Variants in CRTAC1 observed in about 807,000 individuals in gnomAD.
CRTAC1 encodes acidic secreted protein in cartilage.
CRTAC1 carries 37 observed loss-of-function variants against 67.8 expected under a neutral mutation model. The ratio of observed to expected loss-of-function variants is 0.55; its 90% CI spans 0.42 to 0.72. The LOEUF is 0.72. CRTAC1 is among the 30% of genes least tolerant of loss of function. CRTAC1 has a pLI of 0.00. For synonymous variants in CRTAC1, 348 were observed against 371.0 expected (o/e 0.94, Z 0.71); for missense variants, 780 against 931.6 (o/e 0.84, Z 2.12).
intron 2 of CRTAC1, among the ~76,000 whole-genome samples, chr10:97,994,406 T>C (rs144665066): frequency 6.6e-6 from 1 of 152,238 alleles, no homozygotes; most frequent in Non-Finnish European, 1.5e-5. Flanking sequence ...TGGGCTTCTC[T>C]TGTCTGATTT....
At chr10:97,959,348 C>T (rs967914665) in intron 2 of CRTAC1, among the ~76,000 whole-genome samples, 2 of 152,220 alleles carry the variant, frequency 1.3e-5, no homozygotes, top group East Asian at 3.9e-4. Flanking sequence ...ACACACCTGA[C>T]AGCAACAACT....
At chr10:98,026,099 C>T (rs1843227736) in intron 1 of CRTAC1, among the ~76,000 whole-genome samples, 2 of 152,206 alleles carry the variant, frequency 1.3e-5, no homozygotes, top group African/African-American at 2.4e-5. Flanking sequence ...TATCCCCTTC[C>T]AACTGAATAC....
Position 98,029,313 on chromosome 10 carries a change from G to T in CRTAC1, c.24+1136C>A, listed in dbSNP as rs1469583022. Among the ~76,000 whole-genome samples, 1 of 152,074 alleles carries T rather than the reference G, an allele frequency of 6.6e-6. No individual in the cohort carries two copies. Among genetic ancestry groups the T allele is most frequent in the Admixed American group, 6.5e-5 (1 of 15,268 alleles). On this transcript the variant is annotated intron_variant, in intron 1 of 14. Transcript: ENST00000370597. The surrounding 1 kb of genome is among the most constrained non-coding windows in gnomAD (Gnocchi z 4.7). ...TCCCCTGACTCAAGAAAACACTATA[G>T]AACTGTCCCCTGTCCTGGGACCCTC...
intron 3 of CRTAC1, among the ~76,000 whole-genome samples, chr10:97,932,133 T>A (rs1453495566): frequency 1.3e-5 from 2 of 152,174 alleles, no homozygotes; most frequent in African/African-American, 4.8e-5. Context: ...GCCCCCCATC[T>A]GCACAGTGTT....
intron 2 of CRTAC1, among the ~76,000 whole-genome samples, chr10:97,973,300 A>T (rs1161898339): frequency 2.0e-5 from 3 of 151,764 alleles, no homozygotes; most frequent in African/African-American, 7.3e-5. Flanking sequence ...TCTCCGTCCC[A>T]CCCTAATTCA....
intron 14 of CRTAC1, chr10:97,866,069 G>A (rs1010206813): frequency 1.1e-4 from 29 of 255,818 alleles, no homozygotes; most frequent in African/African-American, 6.1e-4. Flanking sequence ...CTGCCACATA[G>A]AGGACTCCCA....
chr10:97,980,904 C>T (rs1256624435), intron 2 of CRTAC1, among the ~76,000 whole-genome samples: 23 of 152,286 alleles, frequency 1.5e-4, no homozygotes, highest in Admixed American at 1.3e-3. Context: ...CTCTGGAAAG[C>T]GCATTTCAGA....
intron 1 of CRTAC1, among the ~76,000 whole-genome samples, chr10:98,023,616 G>C (rs1198857161): frequency 6.6e-6 from 1 of 152,224 alleles, no homozygotes; most frequent in East Asian, 1.9e-4. Context: ...TTCTAAGAAA[G>C]AGCCTGTTCT....
chr10:97,865,941 G>A, intron 14 of CRTAC1: 1 of 582,498 alleles, frequency 1.7e-6, no homozygotes, highest in Non-Finnish European at 2.8e-6. Flanking sequence ...TCCCGATGGG[G>A]CTGGTCTGGG....
chr10:97,895,438 AC>A lies in CRTAC1; in HGVS notation c.1318-26del. ...CCTGCAGAGAGGGTGAGAGGCAGAC[AC>A]CCGGTGGGCATCAGCATGGTGGGTG... is the stretch of plus-strand genomic sequence containing the variant. On this transcript the variant is annotated intron_variant, in intron 10 of 14. Transcript: ENST00000370597. This position sits in a 1 kb window ranked among gnomAD's most constrained non-coding sequence, Gnocchi z 4.2. 6.4e-7 allele frequency: 1 copy of A among 1,560,620 alleles called. No homozygotes were observed. Among genetic ancestry groups the A allele is most frequent in the Non-Finnish European group, 8.7e-7 (1 of 1,154,492 alleles).
chr10:97,959,333 G>T (rs1311493318), intron 2 of CRTAC1, among the ~76,000 whole-genome samples: 3 of 152,188 alleles, frequency 2.0e-5, no homozygotes, highest in African/African-American at 7.2e-5. Flanking sequence ...TCTGCTGCAG[G>T]GTAAACACAC....
chr10:98,021,010 C>CTCAT (rs3075454), intron 1 of CRTAC1, among the ~76,000 whole-genome samples: 2,809 of 151,786 alleles, frequency 0.019, 53 homozygotes, highest in East Asian at 0.091. Flanking sequence ...CCACTATTCA[C>CTCAT]TCATTCATTC....
chr10:97,871,300 G>C (rs1213435218), intron 14 of CRTAC1: 1 of 152,218 alleles, frequency 6.6e-6, no homozygotes, highest in Non-Finnish European at 1.5e-5. Flanking sequence ...ACTGTGAAGA[G>C]AGTCAGAGGG....
chr10:97,882,711 G>C, intron 13 of CRTAC1, 75 bp downstream of exon 13: 1 of 1,524,566 alleles, frequency 6.6e-7, no homozygotes. Flanking sequence ...CCTGGACCTT[G>C]GCATGAGTCA....
At position 97,882,777 on chromosome 10, in the gene CRTAC1, G is replaced by A; in HGVS notation, c.1675+9C>T. On this transcript the variant is annotated intron_variant, in intron 13 of 14. Transcript: ENST00000370597. ...CTACCCCATGCCCTGGTGACTGAAG[G>A]CAACTCACCCATGCAATGGCCATTT... is the stretch of plus-strand genomic sequence containing the variant. 4 of 1,613,742 alleles carry A rather than the reference G, an allele frequency of 2.5e-6. No individual in the cohort carries two copies. In the East Asian group the frequency reaches 6.7e-5, roughly 27 times the overall value.
In CRTAC1 at chr10:98,011,149, G is replaced by A. The variant is rs769375314; in HGVS notation, c.213C>T (p.Ile71=). The A allele has an allele frequency of 5.0e-6, 8 of 1,613,896 alleles. No individual in the cohort carries two copies. The highest frequency in any genetic ancestry group is 2.2e-5 in the East Asian group (1 of 44,888). ...TDVDHDGDFE[I]VVAGYNGPNL... is the part of the protein sequence containing the mutation. ...TGGGAGGCACTTACCCCGCCACGAC[G>A]ATCTCAAAGTCCCCATCATGGTCCA... Residue 71 remains isoleucine, a synonymous_variant, in exon 2 of 15, where the codon ATC becomes ATT. Coordinates refer to ENST00000370597, the MANE Select transcript of CRTAC1 (RefSeq NM_018058.7).
In CRTAC1 at chr10:97,882,665, C is replaced by A. The variant is rs976074035; in HGVS notation, c.1675+121G>T. 4 of 1,011,400 alleles carry A rather than the reference C, an allele frequency of 4.0e-6. No individual in the cohort carries two copies. The East Asian group carries it at 7.3e-5, about 19-fold the overall frequency. 62.7% of individuals were successfully genotyped at this position (1,011,400 alleles called of 1,614,324 possible). On this transcript the variant is annotated intron_variant, in intron 13 of 14. Transcript: ENST00000370597. Reference sequence around the variant, plus strand: ...ATCTGGAGTCCCAGGACAAACAACACCCTCCCCTGTCCTCCTTTCTGCCCC... The same window carrying A: ...ATCTGGAGTCCCAGGACAAACAACAACCTCCCCTGTCCTCCTTTCTGCCCC...
chr10:97,896,615 G>T (rs1297192159), intron 9 of CRTAC1, among the ~76,000 whole-genome samples: 1 of 152,124 alleles, frequency 6.6e-6, no homozygotes, highest in East Asian at 1.9e-4. Context: ...TCCCCACCTG[G>T]CAAGGCATGG....
chr10:97,914,726 T>C (rs2136584341), intron 5 of CRTAC1, among the ~76,000 whole-genome samples: 1 of 152,298 alleles, frequency 6.6e-6, no homozygotes, highest in East Asian at 1.9e-4. Flanking sequence ...GCCTTGGCCA[T>C]GTCCAGAACC....
Sources: gnomAD v4.1 joint callset for allele counts (sites outside exome capture counted in the v4.1 genomes callset) on GRCh38, gnomAD v4.1.1 for gene constraint, Gnocchi (gnomAD v3.1) non-coding constraint, MANE v1.5 for transcripts, NCBI Gene and HGNC (gene_info 2026-07-23, HGNC 2026-07-21) for gene names.